The following BTC variants were observed in gnomAD, a reference collection of about 807,000 sequenced individuals.
BTC encodes the protein probetacellulin.
Under a neutral mutation model 18.1 loss-of-function variants are expected in BTC, and 13 were observed. The observed-to-expected ratio is 0.72, with a 90% CI of 0.47 to 1.14. The LOEUF is 1.14. Among genes scored for constraint, BTC ranks in the 50% most tolerant of loss-of-function variants. The pLI, the probability that BTC is intolerant of heterozygous loss-of-function variation, is 0.00. For missense variants in BTC, 247 were observed against 224.2 expected (o/e 1.10, Z -0.65); for synonymous variants, 83 against 79.4 (o/e 1.05, Z -0.24).
intron 1 of BTC, among the ~76,000 whole-genome samples, chr4:74,789,781 A>G (rs1196432388): frequency 6.6e-6 from 1 of 152,228 alleles, no homozygotes; most frequent in Non-Finnish European, 1.5e-5. Flanking sequence ...GCAATTATTT[A>G]TATAATTCAA....
At chr4:74,747,359 A>G (rs903799016) in intron 5 of BTC, among the ~76,000 whole-genome samples, 34 of 152,100 alleles carry the variant, frequency 2.2e-4, no homozygotes, top group African/African-American at 8.2e-4. Context: ...AAAGTTTGGA[A>G]TACTTCTTCC....
At chr4:74,790,717 G>A (rs1725601172) in intron 1 of BTC, among the ~76,000 whole-genome samples, 1 of 152,176 alleles carries the variant, frequency 6.6e-6, no homozygotes, top group South Asian at 2.1e-4. Flanking sequence ...GACACTGAGT[G>A]ACACAGGCCA....
In BTC at chr4:74,747,994, A is replaced by G. The variant is rs371935808; in HGVS notation, c.*1+46T>C. 2.9e-5 allele frequency: 32 copies of G among 1,087,556 alleles called. No individual in the cohort carries two copies. In the African/African-American group the frequency reaches 5.0e-4, roughly 17 times the overall value. 67.4% of individuals were successfully genotyped at this position (1,087,556 alleles called of 1,614,324 possible). A position where few individuals can be genotyped will look rare whatever the true frequency, so the allele number is the denominator to read the frequency against. On this transcript the variant is annotated intron_variant, in intron 5 of 5. Transcript: ENST00000395743. ...GCAAGTAAGCCCAATCTAACCAGTT[A>G]AATGTCACCTGAATAGTTTTCTATC...
intron 1 of BTC, among the ~76,000 whole-genome samples, chr4:74,790,097 T>A (rs1041261583): frequency 2.0e-5 from 3 of 152,228 alleles, no homozygotes; most frequent in Non-Finnish European, 2.9e-5. Context: ...ATCTATTACC[T>A]ATTTCATAAC....
chr4:74,754,919 A>G (rs1238807970), intron 3 of BTC, among the ~76,000 whole-genome samples: 10 of 144,106 alleles, frequency 6.9e-5, no homozygotes, highest in African/African-American at 2.6e-4. Flanking sequence ...TTTTTTAAAA[A>G]ATTAGATCTA....
rs1298468789 is a variant in BTC, at chr4:74,770,038, T to G, written c.163+20A>C. Reference sequence around the variant, plus strand: ...GAAAATTAAAACTCAGATTTGAATATAAAACTTGTTAAACTTTACCTGCAC... The same window carrying G: ...GAAAATTAAAACTCAGATTTGAATAGAAAACTTGTTAAACTTTACCTGCAC... On this transcript the variant is annotated intron_variant, in intron 2 of 5. Coordinates refer to ENST00000395743, the MANE Select transcript of BTC (RefSeq NM_001729.4). The G allele has an allele frequency of 1.9e-6, 3 of 1,574,776 alleles. No individual in the cohort carries two copies. In the African/African-American group the frequency reaches 4.1e-5, roughly 21 times the overall value.
intron 1 of BTC, among the ~76,000 whole-genome samples, chr4:74,770,674 G>A (rs1224937150): frequency 6.6e-6 from 1 of 152,008 alleles, no homozygotes; most frequent in Non-Finnish European, 1.5e-5. Flanking sequence ...AGAAGGACGG[G>A]CCACATGTTT....
intron 1 of BTC, among the ~76,000 whole-genome samples, chr4:74,777,400 C>A (rs565281090): frequency 1.6e-4 from 25 of 152,184 alleles, no homozygotes; most frequent in African/African-American, 6.0e-4. Context: ...ATTTAAATTA[C>A]CCTGGTAAAA....
chr4:74,760,991 C>T (rs1377172266), intron 2 of BTC, among the ~76,000 whole-genome samples: 1 of 152,086 alleles, frequency 6.6e-6, no homozygotes, highest in African/African-American at 2.4e-5. Context: ...GCCTCAGCCT[C>T]CCAAAGTGCT....
chr4:74,749,866 G>A (rs911053681), intron 4 of BTC, among the ~76,000 whole-genome samples: 33 of 149,674 alleles, frequency 2.2e-4, no homozygotes, highest in African/African-American at 7.9e-4. Context: ...AGGCTGAGGC[G>A]GGAGGATCAC....
intron 1 of BTC, among the ~76,000 whole-genome samples, chr4:74,784,540 A>G (rs1048780546): frequency 6.6e-6 from 1 of 152,190 alleles, no homozygotes; most frequent in African/African-American, 2.4e-5. Flanking sequence ...TTGCCCATTC[A>G]GTATGATACC....
chr4:74,793,396 T>C (rs1470476621), intron 1 of BTC, among the ~76,000 whole-genome samples: 1 of 152,164 alleles, frequency 6.6e-6, no homozygotes, highest in East Asian at 1.9e-4. Context: ...TTCCCAGGCT[T>C]GAAGGTAGGA....
intron 2 of BTC, among the ~76,000 whole-genome samples, chr4:74,769,003 A>T (rs1340489129): frequency 6.6e-6 from 1 of 152,154 alleles, no homozygotes; most frequent in Non-Finnish European, 1.5e-5. Context: ...GCACCTTCTG[A>T]CCACCCACTA....
chr4:74,753,177 T>C (rs1277146421), intron 3 of BTC, among the ~76,000 whole-genome samples: 1 of 152,220 alleles, frequency 6.6e-6, no homozygotes, highest in African/African-American at 2.4e-5. Flanking sequence ...TCTTATACTA[T>C]TTAAAATCAA....
intron 4 of BTC, among the ~76,000 whole-genome samples, chr4:74,748,608 C>T (rs1226822133): frequency 6.6e-6 from 1 of 151,968 alleles, no homozygotes; most frequent in Admixed American, 6.6e-5. Flanking sequence ...TAATAGGCAA[C>T]AGTGTGGGTA....
At chr4:74,785,772 A>T (rs1441613423) in intron 1 of BTC, among the ~76,000 whole-genome samples, 5 of 152,176 alleles carry the variant, frequency 3.3e-5, no homozygotes, top group Admixed American at 1.3e-4. Flanking sequence ...ACTAAGAAAA[A>T]ACTATCACCT....
intron 4 of BTC, among the ~76,000 whole-genome samples, chr4:74,748,425 A>C (rs545558294): frequency 2.1e-3 from 314 of 151,746 alleles, no homozygotes; most frequent in Non-Finnish European, 3.4e-3. Flanking sequence ...AGTCCCAGCT[A>C]CTCGGGAGGC....
chr4:74,764,531 A>G (rs1724846640), intron 2 of BTC, among the ~76,000 whole-genome samples: 1 of 152,208 alleles, frequency 6.6e-6, no homozygotes, highest in Admixed American at 6.5e-5. Context: ...GGTGTTAGAG[A>G]GACATAAAAA....
chr4:74,791,395 G>A (rs1725623049), intron 1 of BTC, among the ~76,000 whole-genome samples: 1 of 152,042 alleles, frequency 6.6e-6, no homozygotes, highest in African/African-American at 2.4e-5. Context: ...AGAAATACGA[G>A]CCCATTTTGG....
Sources: gnomAD v4.1 joint callset for allele counts (sites outside exome capture counted in the v4.1 genomes callset) on GRCh38, gnomAD v4.1.1 for gene constraint, MANE v1.5 for transcripts, NCBI Gene and HGNC (gene_info 2026-07-23, HGNC 2026-07-21) for gene names.